The following SYT2 variants were observed in gnomAD, a reference collection of about 807,000 sequenced individuals.
SYT2 encodes synaptotagmin-2.
Under a neutral mutation model 39.9 loss-of-function variants are expected in SYT2, and 15 were observed. That is an observed-to-expected ratio of 0.38 (90% CI 0.25 to 0.58). SYT2 has a LOEUF of 0.58. Ranked by LOEUF, SYT2 falls within the 20% of genes least tolerant of loss-of-function variation. SYT2 has a pLI of 0.70. For missense variants in SYT2, 389 were observed against 530.3 expected (o/e 0.73, Z 2.62); for synonymous variants, 181 against 204.5 (o/e 0.89, Z 0.98).
chr1:202,641,908 G>C (rs1691926739), intron 1 of SYT2, among the ~76,000 whole-genome samples: 1 of 152,230 alleles, frequency 6.6e-6, no homozygotes. Flanking sequence ...GCTGGATTCT[G>C]AAAGTGGGGA....
chr1:202,705,525 C>T (rs938962453), intron 1 of SYT2, among the ~76,000 whole-genome samples: 9 of 152,228 alleles, frequency 5.9e-5, no homozygotes, highest in African/African-American at 1.7e-4. Context: ...GGTAACCCCC[C>T]TTTCTTTCAG....
At chr1:202,617,905 TTTG>T (rs529619754) in intron 1 of SYT2, among the ~76,000 whole-genome samples, 12 of 152,192 alleles carry the variant, frequency 7.9e-5, no homozygotes, top group East Asian at 3.9e-4. Context: ...TTACGCATTT[TTTG>T]TTGTTGTTGT....
chr1:202,619,684 G>T (rs1691152857), intron 1 of SYT2, among the ~76,000 whole-genome samples: 3 of 152,318 alleles, frequency 2.0e-5, no homozygotes, highest in Admixed American at 2.0e-4. Context: ...TTGAAAAAAT[G>T]AGGTTCTAAG....
At chr1:202,699,038 C>T (rs948283421) in intron 1 of SYT2, among the ~76,000 whole-genome samples, 2 of 98,500 alleles carry the variant, frequency 2.0e-5, no homozygotes, top group Non-Finnish European at 4.1e-5. Context: ...TTTTTTGAGA[C>T]ACAGGGTCTT....
chr1:202,642,828 C>T (rs1691956845), intron 1 of SYT2, among the ~76,000 whole-genome samples: 1 of 152,208 alleles, frequency 6.6e-6, no homozygotes, highest in African/African-American at 2.4e-5. Context: ...CTTCTCTCCG[C>T]ACGCCCACTT....
chr1:202,596,780 C>T lies in SYT2; in HGVS notation c.1237G>A (p.Ala413Thr), dbSNP rs1690312757. Reference sequence around the variant, plus strand: ...GTCTACTTGTTCTTGCCCAGGAGTGCATCCACCTCCTCCTCAGGCTTGAGC... The same window carrying T: ...GTCTACTTGTTCTTGCCCAGGAGTGTATCCACCTCCTCCTCAGGCTTGAGC... ...HSLKPEEEVD[A>T]LLGKNK Residue 413 changes from alanine (A) to threonine (T), a missense_variant, in exon 9 of 9, where the codon GCA becomes ACA. Ala to Thr is a moderately conservative substitution (Grantham distance 58). Transcript: ENST00000367268. The T allele has an allele frequency of 1.9e-6, 3 of 1,613,930 alleles. No individual in the cohort carries two copies. The highest frequency in any genetic ancestry group is 2.7e-5 in the African/African-American group (2 of 74,942).
At chr1:202,659,439 G>A (rs904549156) in intron 1 of SYT2, among the ~76,000 whole-genome samples, 1 of 152,176 alleles carries the variant, frequency 6.6e-6, no homozygotes. Context: ...AACTGCTGTG[G>A]AGTGACACTG....
chr1:202,686,092 A>T (rs928815069), intron 1 of SYT2, among the ~76,000 whole-genome samples: 6 of 152,146 alleles, frequency 3.9e-5, no homozygotes, highest in Non-Finnish European at 5.9e-5. Context: ...TAATGTTGAA[A>T]TGTAACCCCC....
At chr1:202,691,781 GAGA>G (rs1653842170) in intron 1 of SYT2, among the ~76,000 whole-genome samples, 1 of 138,838 alleles carries the variant, frequency 7.2e-6, no homozygotes, top group African/African-American at 2.8e-5. Context: ...GAGAGAGAGA[GAGA>G]TGGGAGAGGG....
chr1:202,652,143 T>A (rs1692206117), intron 1 of SYT2, among the ~76,000 whole-genome samples: 1 of 151,846 alleles, frequency 6.6e-6, no homozygotes. Context: ...CTGCAGAGAG[T>A]TGGTGGTGGC....
chr1:202,629,915 GGAAGTCACTA>G (rs1558438810), intron 1 of SYT2, among the ~76,000 whole-genome samples: 11 of 121,582 alleles, frequency 9.0e-5, no homozygotes, highest in Non-Finnish European at 9.7e-5. Context: ...AAGTGACTCT[GGAAGTCACTA>G]GCACAAAAGG....
chr1:202,694,692 C>G (rs775609515), intron 1 of SYT2, among the ~76,000 whole-genome samples: 1 of 152,060 alleles, frequency 6.6e-6, no homozygotes, highest in Non-Finnish European at 1.5e-5. Context: ...ACCACCTCCT[C>G]GTCCTTTCCC....
chr1:202,631,872 T>C (rs1270058434), intron 1 of SYT2, among the ~76,000 whole-genome samples: 1 of 152,130 alleles, frequency 6.6e-6, no homozygotes, highest in Non-Finnish European at 1.5e-5. Flanking sequence ...TAGATGAAAT[T>C]TGAGGTCTCC....
intron 1 of SYT2, among the ~76,000 whole-genome samples, chr1:202,709,065 G>A (rs1023919754): frequency 6.7e-5 from 10 of 149,978 alleles, no homozygotes; most frequent in Non-Finnish European, 1.5e-4. Context: ...TTCCAGGTCA[G>A]ACCCCAGTTC....
At chr1:202,649,545 G>A (rs946857) in intron 1 of SYT2, among the ~76,000 whole-genome samples, 57,650 of 152,052 alleles carry the variant, frequency 0.38, 12,486 homozygotes, top group East Asian at 0.74. Flanking sequence ...GGTAAAGAGA[G>A]GTAAAATAAC....
chr1:202,659,478 G>T (rs567574862), intron 1 of SYT2, among the ~76,000 whole-genome samples: 1 of 152,282 alleles, frequency 6.6e-6, no homozygotes, highest in African/African-American at 2.4e-5. Context: ...AAAGAGAGCG[G>T]CAAAAAGAGA....
At chr1:202,617,438 C>T (rs12566757) in intron 1 of SYT2, among the ~76,000 whole-genome samples, 50,406 of 151,862 alleles carry the variant, frequency 0.33, 9,015 homozygotes, top group Non-Finnish European at 0.4. Context: ...CTCTTCACCT[C>T]CCCCCATGAT....
chr1:202,602,662 A>G, intron 4 of SYT2, 117 bp from the exon 5 acceptor site: 1 of 1,042,346 alleles, frequency 9.6e-7, no homozygotes, highest in Non-Finnish European at 1.4e-6. Flanking sequence ...GGGCAGGGAA[A>G]TGGCGGGAGG....
At chr1:202,634,994 T>G (rs1326725470) in intron 1 of SYT2, among the ~76,000 whole-genome samples, 1 of 152,214 alleles carries the variant, frequency 6.6e-6, no homozygotes, top group Non-Finnish European at 1.5e-5. Flanking sequence ...TATTAAAAAC[T>G]ATTGAATTGT....
Sources: gnomAD v4.1 joint callset for allele counts (sites outside exome capture counted in the v4.1 genomes callset) on GRCh38, gnomAD v4.1.1 for gene constraint, MANE v1.5 for transcripts, NCBI Gene and HGNC (gene_info 2026-07-23, HGNC 2026-07-21) for gene names.